Variants in FNDC1 observed in about 807,000 individuals in gnomAD.
The protein encoded by FNDC1 is fibronectin type III domain-containing protein 1.
Under a neutral mutation model 168.0 loss-of-function variants are expected in FNDC1, and 96 were observed. The ratio of observed to expected loss-of-function variants is 0.57; its 90% CI spans 0.48 to 0.68. The LOEUF is 0.68. FNDC1 is among the 30% of genes least tolerant of loss of function. The pLI is 0.00. For missense variants in FNDC1, 2,587 were observed against 2,482.1 expected (o/e 1.04, Z -0.90); for synonymous variants, 1,099 against 1,025.9 (o/e 1.07, Z -1.36).
chr6:159,263,580 G>C (rs2115029299), intron 19 of FNDC1, among the ~76,000 whole-genome samples: 1 of 152,218 alleles, frequency 6.6e-6, no homozygotes, highest in East Asian at 1.9e-4. Flanking sequence ...GGCTAACACA[G>C]TGAAATCCTG....
intron 1 of FNDC1, among the ~76,000 whole-genome samples, chr6:159,181,060 A>G (rs968431451): frequency 1.1e-4 from 16 of 152,162 alleles, no homozygotes; most frequent in African/African-American, 3.9e-4. Flanking sequence ...TCACCACACT[A>G]TCTTCCACAA....
rs926342453 is a variant in FNDC1 at position 159,271,732 on chromosome 6, G to A, written c.*290G>A. The A allele has an allele frequency of 1.5e-5, 4 of 261,418 alleles. No homozygotes were observed. The highest frequency in any genetic ancestry group is 1.0e-4 in the East Asian group (1 of 9,942). 16.2% of individuals were successfully genotyped at this position (261,418 alleles called of 1,614,324 possible). ...ATCAGAAACCAGCAACTGATTCAGT[G>A]TGATTTCCAGACTTTTTAGGCATGA... On this transcript the variant is annotated 3_prime_UTR_variant, in exon 23 of 23. Transcript: ENST00000297267.
intron 18 of FNDC1, 35 bp from the exon 19 acceptor site, chr6:159,261,155 T>A: frequency 6.6e-7 from 1 of 1,508,450 alleles, no homozygotes; most frequent in Non-Finnish European, 9.2e-7. Flanking sequence ...ATCAAATACA[T>A]GTCTCTTTCA....
intron 1 of FNDC1, among the ~76,000 whole-genome samples, chr6:159,191,059 C>A (rs1174404493): frequency 6.6e-6 from 1 of 152,170 alleles, no homozygotes; most frequent in South Asian, 2.1e-4. Flanking sequence ...GAAGCAAGAA[C>A]GTCTACGATG....
chr6:159,218,505 G>C (rs958344668), intron 5 of FNDC1: 1 of 152,220 alleles, frequency 6.6e-6, no homozygotes, highest in African/African-American at 2.4e-5. Flanking sequence ...CGCGGTGTTG[G>C]AATGGACCTG....
intron 4 of FNDC1, among the ~76,000 whole-genome samples, chr6:159,202,022 C>T (rs1040090200): frequency 1.3e-5 from 2 of 152,172 alleles, no homozygotes. Flanking sequence ...ATCAGACAGC[C>T]GTGTTCCAGC....
chr6:159,211,104 G>A (rs1297593674), intron 4 of FNDC1, among the ~76,000 whole-genome samples: 1 of 152,208 alleles, frequency 6.6e-6, no homozygotes, highest in Non-Finnish European at 1.5e-5. Flanking sequence ...ATGGAGGCTG[G>A]TGCTGGGGAT....
intron 5 of FNDC1, among the ~76,000 whole-genome samples, chr6:159,219,607 C>T (rs556686143): frequency 2.8e-4 from 42 of 152,156 alleles, no homozygotes; most frequent in Admixed American, 3.9e-4. Context: ...TGAAGATGCG[C>T]GCGTGAGAAG....
In FNDC1 at chr6:159,234,593, T is replaced by A; in HGVS notation, c.3967+114T>A. On this transcript the variant is annotated intron_variant, in intron 11 of 22. Coordinates refer to ENST00000297267, the MANE Select transcript of FNDC1 (RefSeq NM_032532.3). ...CACCTACTATGTCCACGCACCGTGTTAAGAGCTTTGCACATGTGACATAAT... is the reference window on the plus strand; with the variant it reads ...CACCTACTATGTCCACGCACCGTGTAAAGAGCTTTGCACATGTGACATAAT... The A allele has an allele frequency of 7.2e-6, 7 of 972,176 alleles. No individual in the cohort carries two copies. In the South Asian group the frequency reaches 1.2e-4, roughly 16 times the overall value. 60.2% of individuals were successfully genotyped at this position (972,176 alleles called of 1,614,324 possible). A position where few individuals can be genotyped will look rare whatever the true frequency, so the allele number is the denominator to read the frequency against.
intron 10 of FNDC1, among the ~76,000 whole-genome samples, chr6:159,230,539 T>C (rs892073336): frequency 2.0e-5 from 3 of 152,184 alleles, no homozygotes; most frequent in Non-Finnish European, 4.4e-5. Flanking sequence ...ATCTAAAATT[T>C]AAAAATAAGA....
In FNDC1 at chr6:159,251,365, A is replaced by G. The variant is rs1777258853; in HGVS notation, c.4898A>G (p.Asp1633Gly). ...SAPCSLTDALDHFQVDSLDEI... is the reference protein window; with the variant it reads ...SAPCSLTDALGHFQVDSLDEI... ...CCGTGCTCTCTGACTGATGCACTGGATCACTTCCAAGTGGACAGCCTGGAT... is the reference window on the plus strand; with the variant it reads ...CCGTGCTCTCTGACTGATGCACTGGGTCACTTCCAAGTGGACAGCCTGGAT... The change falls in exon 17 of 23, where the codon GAT becomes GGT. Residue 1633 changes from aspartate (D) to glycine (G), a missense_variant. Coordinates refer to ENST00000297267, the MANE Select transcript of FNDC1 (RefSeq NM_032532.3). 6.2e-7 allele frequency: 1 copy of G among 1,613,848 alleles called. No homozygotes were observed. Among genetic ancestry groups the G allele is most frequent in the Non-Finnish European group, 8.5e-7 (1 of 1,179,884 alleles).
intron 1 of FNDC1, among the ~76,000 whole-genome samples, chr6:159,183,520 A>G (rs1428209139): frequency 1.3e-5 from 2 of 152,236 alleles, no homozygotes; most frequent in East Asian, 1.9e-4. Context: ...GGAGCCTTCC[A>G]CATATGGATG....
chr6:159,218,916 A>T (rs1303238938), intron 5 of FNDC1, among the ~76,000 whole-genome samples: 1 of 151,998 alleles, frequency 6.6e-6, no homozygotes, highest in Admixed American at 6.6e-5. Context: ...GGAGTGGGGG[A>T]GGACATTTGT....
At chr6:159,211,914 A>G (rs929705789) in intron 4 of FNDC1, among the ~76,000 whole-genome samples, 6 of 152,258 alleles carry the variant, frequency 3.9e-5, no homozygotes, top group Non-Finnish European at 5.9e-5. Flanking sequence ...TACCAAGTTT[A>G]ACTAGCATAG....
chr6:159,222,187 C>T (rs533286176), intron 6 of FNDC1, among the ~76,000 whole-genome samples: 11 of 152,304 alleles, frequency 7.2e-5, no homozygotes, highest in African/African-American at 2.6e-4. Context: ...ACATTTCCCA[C>T]GTCCCTTCAC....
chr6:159,233,982 G>A lies in FNDC1; in HGVS notation c.3470G>A (p.Gly1157Glu), dbSNP rs1207208988. 5 of 1,598,922 alleles carry A rather than the reference G, an allele frequency of 3.1e-6. No individual in the cohort carries two copies. The highest frequency in any genetic ancestry group is 4.3e-6 in the Non-Finnish European group (5 of 1,173,234). ...RARVPSRAAPGKSEPPSKRPL... is the reference protein window; with the variant it reads ...RARVPSRAAPEKSEPPSKRPL... ...CGGGTACCCAGCAGGGCAGCGCCGG[G>A]GAAGTCGGAGCCTCCTTCCAAGCGG... Residue 1157 changes from glycine (G) to glutamate (E), a missense_variant, in exon 11 of 23, where the codon GGG (glycine) becomes GAG (glutamate). By Grantham distance (98) the Gly-to-Glu change is moderately conservative (BLOSUM62 -2). Coordinates refer to ENST00000297267, the MANE Select transcript of FNDC1 (RefSeq NM_032532.3). The surrounding 1 kb of genome is among the most constrained non-coding windows in gnomAD (Gnocchi z 4.6).
intron 20 of FNDC1, 29 bp from the exon 21 acceptor site, chr6:159,266,055 C>A (rs1378455535): frequency 6.2e-7 from 1 of 1,611,418 alleles, no homozygotes; most frequent in Non-Finnish European, 8.5e-7. Flanking sequence ...GAGTGCTTAC[C>A]CTTAGCAGGT....
intron 12 of FNDC1, among the ~76,000 whole-genome samples, chr6:159,237,552 C>T (rs758029461): frequency 2.0e-5 from 3 of 152,138 alleles, no homozygotes; most frequent in East Asian, 1.9e-4. Flanking sequence ...TATTAGGCAA[C>T]GTGATTACAA....
intron 18 of FNDC1, among the ~76,000 whole-genome samples, chr6:159,258,354 T>C (rs2115023364): frequency 6.6e-6 from 1 of 152,282 alleles, no homozygotes; most frequent in South Asian, 2.1e-4. Context: ...AAGTACATCA[T>C]GCTTTGAGAG....
Sources: gnomAD v4.1 joint callset for allele counts (sites outside exome capture counted in the v4.1 genomes callset) on GRCh38, gnomAD v4.1.1 for gene constraint, Gnocchi (gnomAD v3.1) non-coding constraint, MANE v1.5 for transcripts, NCBI Gene and HGNC (gene_info 2026-07-23, HGNC 2026-07-21) for gene names.